The following PARVA variants were observed in gnomAD, a reference collection of about 807,000 sequenced individuals.
The protein encoded by PARVA is alpha-parvin.
A neutral mutation model predicts 52.6 loss-of-function variants in PARVA; 25 were observed. The observed-to-expected ratio is 0.48, with a 90% CI of 0.35 to 0.66. PARVA has a LOEUF of 0.66. Ranked by LOEUF, PARVA falls within the 30% of genes least tolerant of loss-of-function variation. The probability of loss-of-function intolerance (pLI) is 0.01; values close to 1 mark genes in which losing one functional copy is unlikely to be tolerated. For missense variants in PARVA, 373 were observed against 450.9 expected (o/e 0.83, Z 1.56); for synonymous variants, 185 against 179.1 (o/e 1.03, Z -0.26).
chr11:12,413,771 A>T (rs915728634), intron 1 of PARVA, among the ~76,000 whole-genome samples: 1 of 152,172 alleles, frequency 6.6e-6, no homozygotes, highest in African/African-American at 2.4e-5. Flanking sequence ...CAAGGTGGGG[A>T]TTCTAAACAG....
At chr11:12,465,425 A>G (rs75828369) in intron 1 of PARVA, among the ~76,000 whole-genome samples, 10,812 of 152,270 alleles carry the variant, frequency 0.071, 468 homozygotes, top group South Asian at 0.11. Context: ...ACATTCTGTT[A>G]TAAGCAACAG....
chr11:12,450,004 C>A (rs574526864), intron 1 of PARVA, among the ~76,000 whole-genome samples: 1 of 152,146 alleles, frequency 6.6e-6, no homozygotes, highest in Non-Finnish European at 1.5e-5. Flanking sequence ...TGTTCCAAAC[C>A]CTTCCTGCAT....
intron 1 of PARVA, among the ~76,000 whole-genome samples, chr11:12,414,015 C>A (rs1940029416): frequency 6.6e-6 from 1 of 152,232 alleles, no homozygotes; most frequent in South Asian, 2.1e-4. Flanking sequence ...TGTACCCTGC[C>A]TTTGGCTGGG....
chr11:12,473,571 A>G (rs1940961862), intron 1 of PARVA, among the ~76,000 whole-genome samples, 174 bp from the exon 2 acceptor site: 1 of 152,162 alleles, frequency 6.6e-6, no homozygotes, highest in Middle Eastern at 3.2e-3. Flanking sequence ...TAAGGGGACA[A>G]TTAGGTCCTT....
chr11:12,379,241 T>TGTAC lies in PARVA; in HGVS notation c.136+1461_136+1462insCGTA, dbSNP rs71037066. On this transcript the variant is annotated intron_variant, in intron 1 of 12. Coordinates refer to ENST00000334956, the MANE Select transcript of PARVA (RefSeq NM_018222.5). ...TTTTATCAGCAAGGTCTTTATGACCTGTATCTTGTGCCCACATCCTATCTC... is the reference window on the plus strand; with the variant it reads ...TTTTATCAGCAAGGTCTTTATGACCTGTACGTATCTTGTGCCCACATCCTATCTC... 1.3e-4 allele frequency among the ~76,000 whole-genome samples: 3 copies of TGTAC among 23,678 alleles called. No homozygotes were observed. The Non-Finnish European group carries it at 3.0e-3, about 24-fold the overall frequency. The allele number at this position is 23,678 out of a possible 152,430, so 15.5% of individuals were successfully genotyped here. A position where few individuals can be genotyped will look rare whatever the true frequency, so the allele number is the denominator to read the frequency against.
At chr11:12,457,033 G>A (rs776773374) in intron 1 of PARVA, among the ~76,000 whole-genome samples, 9 of 152,238 alleles carry the variant, frequency 5.9e-5, no homozygotes, top group Middle Eastern at 3.4e-3. Flanking sequence ...TATATTGTGC[G>A]TGTTTATTTT....
intron 1 of PARVA, among the ~76,000 whole-genome samples, chr11:12,437,147 G>A (rs1191184057): frequency 6.6e-6 from 1 of 152,122 alleles, no homozygotes; most frequent in Non-Finnish European, 1.5e-5. Flanking sequence ...TTTTTGCAAA[G>A]TATCAGTCTG....
At chr11:12,411,509 G>T (rs1223034958) in intron 1 of PARVA, among the ~76,000 whole-genome samples, 2 of 152,102 alleles carry the variant, frequency 1.3e-5, no homozygotes, top group Non-Finnish European at 2.9e-5. Flanking sequence ...ACCAGGGAAG[G>T]TACCATAGTA....
intron 6 of PARVA, among the ~76,000 whole-genome samples, chr11:12,504,983 C>G (rs1305170255): frequency 6.6e-6 from 1 of 152,158 alleles, no homozygotes; most frequent in African/African-American, 2.4e-5. Context: ...CCACTGTTCA[C>G]CCACTCACAG....
At chr11:12,418,677 G>A (rs528540717) in intron 1 of PARVA, among the ~76,000 whole-genome samples, 22 of 152,128 alleles carry the variant, frequency 1.4e-4, no homozygotes, top group East Asian at 3.9e-4. Context: ...TTACCACCCC[G>A]CCACCGGCTT....
intron 6 of PARVA, among the ~76,000 whole-genome samples, chr11:12,507,287 A>G (rs1941442343): frequency 6.6e-6 from 1 of 152,166 alleles, no homozygotes; most frequent in African/African-American, 2.4e-5. Flanking sequence ...CTTGGGGAAG[A>G]TGCATTTGCT....
Position 12,528,004 on chromosome 11 carries a change from G to C in PARVA, c.*79G>C. 1 of 964,556 alleles carries C rather than the reference G, an allele frequency of 1.0e-6. No individual in the cohort carries two copies. Among genetic ancestry groups the C allele is most frequent in the Admixed American group, 1.7e-5 (1 of 59,000 alleles). The allele number at this position is 964,556 out of a possible 1,614,324, so 59.7% of individuals were successfully genotyped here. Reference sequence around the variant, plus strand: ...ACCCTCCTCCGAACTGCCTTACCCTGCTTATTCCTGTCTCTTGCACTGTGC... The same window carrying C: ...ACCCTCCTCCGAACTGCCTTACCCTCCTTATTCCTGTCTCTTGCACTGTGC... On this transcript the variant is annotated 3_prime_UTR_variant, in exon 13 of 13. Transcript: ENST00000334956.
chr11:12,377,716 C>G lies in PARVA; in HGVS notation c.69C>G (p.Arg23=). ...CCACTCCCAAGTCGCCCCCGTCCCG[C>G]AAGAAAGATGATTCCTTCTTGGGGA... is the stretch of plus-strand genomic sequence containing the variant. The part of the protein sequence containing the change: ...KSPTPKSPPS[R]KKDDSFLGKL... Residue 23 remains arginine (R), a synonymous_variant, in exon 1 of 13, where the codon CGC becomes CGG. Transcript: ENST00000334956. The G allele has an allele frequency of 1.3e-6, 2 of 1,565,672 alleles. No individual in the cohort carries two copies. The highest frequency in any genetic ancestry group is 2.6e-5 in the East Asian group (1 of 38,410).
At chr11:12,514,754 G>A (rs979487441) in intron 10 of PARVA, among the ~76,000 whole-genome samples, 2 of 152,208 alleles carry the variant, frequency 1.3e-5, no homozygotes, top group South Asian at 2.1e-4. Context: ...CCAAAGTGCT[G>A]GGACTATAGG....
intron 1 of PARVA, among the ~76,000 whole-genome samples, chr11:12,467,405 AATTTTGAATAGGC>A (rs1367249117): frequency 6.6e-6 from 1 of 152,168 alleles, no homozygotes; most frequent in Non-Finnish European, 1.5e-5. Flanking sequence ...TTTCTAGTAT[AATTTTGAATAGGC>A]ATGGTGAGAG....
rs1379760669 is a variant in PARVA at position 12,527,938 on chromosome 11, G to C, written c.*13G>C. The C allele has an allele frequency of 1.3e-6, 2 of 1,594,968 alleles. No homozygotes were observed. The highest frequency in any genetic ancestry group is 2.7e-5 in the African/African-American group (2 of 74,464). On this transcript the variant is annotated 3_prime_UTR_variant, in exon 13 of 13. Coordinates refer to ENST00000334956, the MANE Select transcript of PARVA (RefSeq NM_018222.5). ...TAACGTGGAGTGAGGGGCTGCCCTG[G>C]GCCCACCACTGCCCAAGAGTTCTTG...
At chr11:12,515,071 C>A (rs1274945611) in intron 10 of PARVA, among the ~76,000 whole-genome samples, 1 of 152,238 alleles carries the variant, frequency 6.6e-6, no homozygotes, top group East Asian at 1.9e-4. Context: ...CTTCCCGGGG[C>A]ATCCCAGGAG....
At chr11:12,493,293 T>TTGCA (rs927892780) in intron 4 of PARVA, among the ~76,000 whole-genome samples, 1 of 144,792 alleles carries the variant, frequency 6.9e-6, no homozygotes, top group African/African-American at 2.6e-5. Flanking sequence ...GAGGCAGAGG[T>TTGCA]TGCAGTAAGC....
intron 4 of PARVA, among the ~76,000 whole-genome samples, chr11:12,492,943 G>C (rs982984286): frequency 6.6e-6 from 1 of 152,004 alleles, no homozygotes; most frequent in Non-Finnish European, 1.5e-5. Flanking sequence ...GCAATATGCA[G>C]TTTTGAAAAA....
Sources: allele counts gnomAD v4.1 joint callset (sites outside exome capture counted in the v4.1 genomes callset), GRCh38; gene constraint gnomAD v4.1.1; transcripts MANE v1.5; gene names NCBI Gene and HGNC (gene_info 2026-07-23, HGNC 2026-07-21).